RBFOX1: variants seen among roughly 807,000 people sequenced by gnomAD.
RBFOX1 encodes RNA binding fox-1 homolog 1.
RBFOX1 carries 8 observed loss-of-function variants against 57.7 expected under a neutral mutation model. That is an observed-to-expected ratio of 0.14 (90% CI 0.08 to 0.25). RBFOX1 has a LOEUF of 0.25. Among genes scored for constraint, RBFOX1 ranks in the 10% least tolerant of loss-of-function variants. RBFOX1 has a pLI of 1.00. For synonymous variants in RBFOX1, 326 were observed against 222.4 expected (o/e 1.47, Z -4.15); for missense variants, 611 against 548.5 (o/e 1.11, Z -1.14).
At chr16:5,528,157 C>T (rs779698003) in intron 2 of RBFOX1, among the ~76,000 whole-genome samples, 9 of 152,144 alleles carry the variant, frequency 5.9e-5, no homozygotes, top group African/African-American at 9.7e-5. Context: ...CAGGGCTGCA[C>T]TTCTGGGTCC....
intron 4 of RBFOX1, among the ~76,000 whole-genome samples, chr16:7,295,120 T>A (rs1450096668): frequency 6.6e-6 from 1 of 152,188 alleles, no homozygotes; most frequent in African/African-American, 2.4e-5. Context: ...GAGATACAGT[T>A]GGTGAAGATT....
chr16:7,614,878 A>G (rs1476994360), intron 10 of RBFOX1: 1 of 152,210 alleles, frequency 6.6e-6, no homozygotes, highest in Non-Finnish European at 1.5e-5. Flanking sequence ...TCATTCGCCA[A>G]ATCACAGAAC....
intron 3 of RBFOX1, among the ~76,000 whole-genome samples, chr16:6,961,165 A>ACACACACACACACACACACACAC (rs1461621694): frequency 1.6e-4 from 24 of 150,662 alleles, no homozygotes; most frequent in African/African-American, 3.9e-4. Flanking sequence ...ACACACACGC[A>ACACACACACACACACACACACAC]AAAGAAAGAA....
chr16:6,628,764 T>A (rs1006015407), intron 2 of RBFOX1, among the ~76,000 whole-genome samples: 1 of 152,220 alleles, frequency 6.6e-6, no homozygotes, highest in African/African-American at 2.4e-5. Flanking sequence ...CGAAGCTCTG[T>A]GAAGATATAG....
chr16:6,845,140 C>T (rs189819112), intron 3 of RBFOX1, among the ~76,000 whole-genome samples: 2 of 89,924 alleles, frequency 2.2e-5, no homozygotes, highest in Admixed American at 1.4e-4. Flanking sequence ...TGTCTGTTCA[C>T]TCTGGTAGTT....
At chr16:7,356,683 C>G (rs2097219700) in intron 4 of RBFOX1, among the ~76,000 whole-genome samples, 1 of 152,206 alleles carries the variant, frequency 6.6e-6, no homozygotes. Flanking sequence ...ATTTGAAGTT[C>G]TGAAGTGCAT....
intron 3 of RBFOX1, among the ~76,000 whole-genome samples, chr16:5,787,988 C>T (rs1305637528): frequency 6.6e-6 from 1 of 152,210 alleles, no homozygotes; most frequent in East Asian, 1.9e-4. Context: ...TTCTGCATCC[C>T]TTCCAGCGGG....
intron 4 of RBFOX1, among the ~76,000 whole-genome samples, chr16:7,208,039 G>A (rs1023093751): frequency 1.3e-5 from 2 of 152,190 alleles, no homozygotes; most frequent in Non-Finnish European, 2.9e-5. Context: ...ATCTTCTCTG[G>A]AAAACTAGGA....
chr16:7,071,348 A>T (rs147773426), intron 4 of RBFOX1, among the ~76,000 whole-genome samples: 423 of 152,206 alleles, frequency 2.8e-3, no homozygotes, highest in Middle Eastern at 6.8e-3. Context: ...AGAAAATGCG[A>T]TTTGTTAGTC....
At chr16:5,709,869 T>A (rs1456870951) in intron 3 of RBFOX1, among the ~76,000 whole-genome samples, 16 of 80,760 alleles carry the variant, frequency 2.0e-4, no homozygotes, top group Non-Finnish European at 3.4e-4. Context: ...TTTTTTTTTT[T>A]TTTTTTTTAC....
chr16:6,938,182 T>G (rs2077692537), intron 3 of RBFOX1, among the ~76,000 whole-genome samples: 1 of 152,206 alleles, frequency 6.6e-6, no homozygotes, highest in Non-Finnish European at 1.5e-5. Flanking sequence ...TGGATTTACT[T>G]TCCTAGTGTA....
chr16:7,704,903 C>T (rs1000658446), intron 14 of RBFOX1, among the ~76,000 whole-genome samples: 1 of 151,884 alleles, frequency 6.6e-6, no homozygotes, highest in Non-Finnish European at 1.5e-5. Flanking sequence ...AAAATTTAGC[C>T]ACGTATGGTG....
At chr16:6,100,311 C>T (rs369313629) in intron 1 of RBFOX1, among the ~76,000 whole-genome samples, 1 of 152,128 alleles carries the variant, frequency 6.6e-6, no homozygotes. Flanking sequence ...TACAGGCGCC[C>T]GCCATTACGC....
intron 3 of RBFOX1, among the ~76,000 whole-genome samples, chr16:6,963,943 C>T (rs1415224186): frequency 1.3e-5 from 2 of 152,008 alleles, no homozygotes; most frequent in Non-Finnish European, 2.9e-5. Flanking sequence ...CATGATCCAC[C>T]CGCCTCGGCC....
At chr16:5,787,319 A>T (rs1429728161) in intron 3 of RBFOX1, among the ~76,000 whole-genome samples, 1 of 152,222 alleles carries the variant, frequency 6.6e-6, no homozygotes, top group African/African-American at 2.4e-5. Flanking sequence ...TCCAGTGCAC[A>T]CAGAAGAGCC....
chr16:6,670,986 C>T (rs958661459), intron 3 of RBFOX1, among the ~76,000 whole-genome samples: 32 of 152,124 alleles, frequency 2.1e-4, no homozygotes, highest in African/African-American at 7.2e-4. Flanking sequence ...GGTGACAGAG[C>T]GAGACTCCAT....
At chr16:7,600,549 A>C (rs2094957835) in intron 9 of RBFOX1, among the ~76,000 whole-genome samples, 1 of 152,180 alleles carries the variant, frequency 6.6e-6, no homozygotes, top group Admixed American at 6.5e-5. Context: ...TGAGAAAATT[A>C]AGCCATCGGT....
intron 4 of RBFOX1, among the ~76,000 whole-genome samples, chr16:7,332,422 C>G (rs929226692): frequency 1.3e-5 from 2 of 152,086 alleles, no homozygotes; most frequent in Non-Finnish European, 2.9e-5. Flanking sequence ...AGAGAGAGAG[C>G]GGGAGGAAAA....
chr16:5,991,308 G>C (rs2060391116), intron 4 of RBFOX1, among the ~76,000 whole-genome samples: 1 of 152,122 alleles, frequency 6.6e-6, no homozygotes, highest in Non-Finnish European at 1.5e-5. Flanking sequence ...ACGTCTCCCA[G>C]GTCTGATTGC....
Sources: allele counts gnomAD v4.1 joint callset (sites outside exome capture counted in the v4.1 genomes callset), GRCh38; gene constraint gnomAD v4.1.1; transcripts MANE v1.5; gene names NCBI Gene and HGNC (gene_info 2026-07-23, HGNC 2026-07-21).